FCER2: variants seen among roughly 807,000 people sequenced by gnomAD.
The protein encoded by FCER2 is Fc epsilon receptor II, also known as low affinity immunoglobulin epsilon Fc receptor.
Under a neutral mutation model 49.7 loss-of-function variants are expected in FCER2, and 38 were observed. The ratio of observed to expected loss-of-function variants is 0.76; its 90% CI spans 0.59 to 1.00. The LOEUF is 1.00. FCER2 is among the 50% of genes least tolerant of loss of function. The pLI is 0.00. For synonymous variants in FCER2, 163 were observed against 164.6 expected (o/e 0.99, Z 0.07); for missense variants, 425 against 419.5 (o/e 1.01, Z -0.11).
rs1373204906 is a variant in FCER2, at chr19:7,693,527, G to A, written c.470-2970C>T. ...CTTGGGAGGCTGAGGCAGGAGGATC[G>A]CTTGAGCCCAGGAGTTTGAGACCAG... On this transcript the variant is annotated intron_variant, in intron 8 of 10. Transcript: ENST00000597921. Among the ~76,000 whole-genome samples, 3 of 152,080 alleles carry A rather than the reference G, an allele frequency of 2.0e-5. No individual in the cohort carries two copies. In the East Asian group the frequency reaches 5.8e-4, roughly 30 times the overall value.
intron 5 of FCER2, 41 bp from the exon 6 acceptor site, chr19:7,697,339 A>G (rs1255973585): frequency 1.9e-6 from 3 of 1,600,506 alleles, no homozygotes; most frequent in Admixed American, 1.7e-5. Flanking sequence ...GCAGGTCCTC[A>G]TTGTCTCCCC....
intron 8 of FCER2, among the ~76,000 whole-genome samples, chr19:7,693,953 A>ATT (rs368201774): frequency 4.8e-4 from 68 of 140,546 alleles, no homozygotes; most frequent in African/African-American, 1.6e-3. Flanking sequence ...CCAGCCACAG[A>ATT]TTTTTTTTTT....
rs752893524 is a variant in FCER2, at chr19:7,698,800, AG to A, written c.76del (p.Leu26CysfsTer5). 1.2e-6 allele frequency: 2 copies of A among 1,612,706 alleles called. No individual in the cohort carries two copies. The highest frequency in any genetic ancestry group is 1.7e-6 in the Non-Finnish European group (2 of 1,179,560). On this transcript the variant is annotated frameshift_variant, in exon 3 of 11. Coordinates refer to ENST00000597921, the MANE Select transcript of FCER2 (RefSeq NM_001220500.2). LOFTEE classifies it high-confidence loss of function. Reference sequence around the variant, plus strand: ...CAGAGCGGCGGTCACCAGCCCCAGCAGCACGATCTGAGTCCCACGCCTGCAA... The same window carrying A: ...CAGAGCGGCGGTCACCAGCCCCAGCACACGATCTGAGTCCCACGCCTGCAA... ...RCCRRGTQIV[L>X]LGLVTAALWA...
At chr19:7,689,803 A>G (rs1036841605) in intron 10 of FCER2, among the ~76,000 whole-genome samples, 27 of 151,982 alleles carry the variant, frequency 1.8e-4, no homozygotes, top group African/African-American at 6.3e-4. Context: ...TATTTTTAGT[A>G]GAGAGGGGTT....
chr19:7,699,710 C>G, intron 2 of FCER2, 29 bp downstream of exon 2: 2 of 1,610,368 alleles, frequency 1.2e-6, no homozygotes, highest in Non-Finnish European at 1.7e-6. Context: ...ATTGCTTCTG[C>G]CAACGTTAGA....
chr19:7,697,464 C>G, intron 5 of FCER2, 63 bp downstream of exon 5: 1 of 1,507,036 alleles, frequency 6.6e-7, no homozygotes, highest in Non-Finnish European at 9.2e-7. Context: ...GCTCTGGGTC[C>G]AGGAAGTCAT....
At chr19:7,696,027 G>A (rs373805695) in intron 8 of FCER2, among the ~76,000 whole-genome samples, 5 of 149,828 alleles carry the variant, frequency 3.3e-5, no homozygotes, top group South Asian at 2.1e-4. Flanking sequence ...TCTGCCTCCC[G>A]GGTTCAAGTG....
chr19:7,698,667 G>A, intron 3 of FCER2, 74 bp downstream of exon 3: 1 of 1,560,206 alleles, frequency 6.4e-7, no homozygotes, highest in South Asian at 1.2e-5. Context: ...CCAGCTCTGA[G>A]ATGGGGGTGA....
At chr19:7,693,403 C>T (rs965998825) in intron 8 of FCER2, among the ~76,000 whole-genome samples, 3 of 151,554 alleles carry the variant, frequency 2.0e-5, no homozygotes, top group Admixed American at 1.3e-4. Flanking sequence ...TTGTTGCTAT[C>T]GCCTCCCAGG....
chr19:7,697,470 G>A, intron 5 of FCER2, 57 bp downstream of exon 5: 2 of 1,534,578 alleles, frequency 1.3e-6, no homozygotes, highest in Non-Finnish European at 1.8e-6. Flanking sequence ...GGTCCAGGAA[G>A]TCATCCAAGA....
intron 8 of FCER2, among the ~76,000 whole-genome samples, chr19:7,695,953 G>A (rs964285073): frequency 2.3e-5 from 3 of 129,168 alleles, no homozygotes; most frequent in African/African-American, 9.2e-5. Flanking sequence ...TTGAGACAGA[G>A]TCTCGCTCTG....
Position 7,697,067 on chromosome 19 carries a change from G to A in FCER2, c.325C>T (p.Leu109=). 6.2e-7 allele frequency: 1 copy of A among 1,613,308 alleles called. No homozygotes were observed. The highest frequency in any genetic ancestry group is 1.3e-5 in the African/African-American group (1 of 74,974). ...QQRLKSQDLE[L]SWNLNGLQAD... Reference sequence around the variant, plus strand: ...TGAAGCCCGTTCAGGTTCCAGGACAGCTCCAAGTCTGGTGTGTGCAGGAGC... The same window carrying A: ...TGAAGCCCGTTCAGGTTCCAGGACAACTCCAAGTCTGGTGTGTGCAGGAGC... Residue 109 remains leucine (L), a synonymous_variant, in exon 7 of 11, where the codon CTG becomes TTG. Coordinates refer to ENST00000597921, the MANE Select transcript of FCER2 (RefSeq NM_001220500.2).
In FCER2 at chr19:7,689,200, T is replaced by A. The variant is rs185794701; in HGVS notation, c.959A>T (p.His320Leu). ...GCCTGGCTGTATCCATGCTCAAGAG[T>A]GGAGAGGGGCAGAGGGGGTGGGCAG... ...GRLPTPSAPL[H>L]S Residue 320 changes from histidine to leucine, a missense_variant, in exon 11 of 11, where the codon CAC becomes CTC. Physicochemically the swap from His to Leu is moderately conservative, Grantham distance 99. Transcript: ENST00000597921. The A allele has an allele frequency of 2.5e-6, 4 of 1,605,888 alleles. No homozygotes were observed. The African/African-American group carries it at 4.0e-5, about 16-fold the overall frequency.
rs867573964 is a variant in FCER2 at position 7,688,875 on chromosome 19, G to T, written c.*318C>A. 8.5e-6 allele frequency: 3 copies of T among 351,610 alleles called. No individual in the cohort carries two copies. The highest frequency in any genetic ancestry group is 1.6e-5 in the Non-Finnish European group (3 of 190,600). 21.8% of individuals were successfully genotyped at this position (351,610 alleles called of 1,614,324 possible). ...AGGTCCTGGGGTGCTGAGGAGATGG[G>T]GCTGCATCTGGAGAGGGTGCTGTTG... On this transcript the variant is annotated 3_prime_UTR_variant, in exon 11 of 11. Transcript: ENST00000597921.
At chr19:7,698,910 T>G (rs1185730385) in intron 2 of FCER2, 56 bp from the exon 3 acceptor site, 1 of 1,529,712 alleles carries the variant, frequency 6.5e-7, no homozygotes, top group Admixed American at 2.0e-5. Flanking sequence ...ATGCTGGCCC[T>G]GTCCGTCTCT....
chr19:7,695,604 T>C (rs972484925), intron 8 of FCER2, among the ~76,000 whole-genome samples: 1 of 149,136 alleles, frequency 6.7e-6, no homozygotes, highest in Non-Finnish European at 1.5e-5. Context: ...AGCGAGATCC[T>C]GTCGCTACAA....
At chr19:7,699,889 T>G in intron 1 of FCER2, 44 bp from the exon 2 acceptor site, 1 of 843,086 alleles carries the variant, frequency 1.2e-6, no homozygotes, top group Non-Finnish European at 2.0e-6. Context: ...CATCAAATCC[T>G]AGTTACCAGC....
Position 7,688,910 on chromosome 19 carries a change from C to T in FCER2, c.*283G>A. The T allele has an allele frequency of 2.2e-6, 1 of 445,786 alleles. No individual in the cohort carries two copies. Among genetic ancestry groups the T allele is most frequent in the Non-Finnish European group, 4.1e-6 (1 of 245,850 alleles). 27.6% of individuals were successfully genotyped at this position (445,786 alleles called of 1,614,324 possible). A position where few individuals can be genotyped will look rare whatever the true frequency, so the allele number is the denominator to read the frequency against. ...GGAGAGGGTGCTGTTGGGGTGTACTCTCATCTGGAGAGGGTGCTGTTGGGG... is the reference window on the plus strand; with the variant it reads ...GGAGAGGGTGCTGTTGGGGTGTACTTTCATCTGGAGAGGGTGCTGTTGGGG... On this transcript the variant is annotated 3_prime_UTR_variant, in exon 11 of 11. Coordinates refer to ENST00000597921, the MANE Select transcript of FCER2 (RefSeq NM_001220500.2).
chr19:7,697,447 T>C, intron 5 of FCER2, 80 bp downstream of exon 5: 1 of 1,484,872 alleles, frequency 6.7e-7, no homozygotes. Context: ...GCACAGTGAG[T>C]CTTAATGCTC....
Sources: allele counts gnomAD v4.1 joint callset (sites outside exome capture counted in the v4.1 genomes callset), GRCh38; gene constraint gnomAD v4.1.1; transcripts MANE v1.5; gene names NCBI Gene and HGNC (gene_info 2026-07-23, HGNC 2026-07-21).